Variants in PTPRT observed in about 807,000 individuals in gnomAD.
The protein encoded by PTPRT is receptor-type tyrosine-protein phosphatase T.
A neutral mutation model predicts 176.8 loss-of-function variants in PTPRT; 56 were observed. That is an observed-to-expected ratio of 0.32 (90% confidence interval 0.26 to 0.40). The LOEUF (loss-of-function observed/expected upper bound fraction) is 0.40. Among genes scored for constraint, PTPRT ranks in the 10% least tolerant of loss-of-function variants. The probability of loss-of-function intolerance (pLI) is 1.00; values close to 1 mark genes in which losing one functional copy is unlikely to be tolerated. For missense variants in PTPRT, 1,540 were observed against 1,908.2 expected (o/e 0.81, Z 3.60); for synonymous variants, 783 against 739.0 (o/e 1.06, Z -0.96).
chr20:42,195,225 G>A (rs946990354), intron 16 of PTPRT, among the ~76,000 whole-genome samples: 9 of 152,266 alleles, frequency 5.9e-5, no homozygotes, highest in Non-Finnish European at 1.2e-4. Context: ...AATTAGGCTA[G>A]GGCCTACCTG....
downstream of PTPRT, among the ~76,000 whole-genome samples, chr20:42,071,966 C>G (rs80183765): frequency 2.7e-4 from 41 of 152,294 alleles, no homozygotes; most frequent in East Asian, 7.4e-3. Context: ...CCAACTTCAG[C>G]ATTTACTGGA....
rs150862047 is a variant in PTPRT at position 42,487,459 on chromosome 20, G to A, written c.1154-14897C>T. 2.4e-4 allele frequency among the ~76,000 whole-genome samples: 36 copies of A among 152,234 alleles called. 1 individual carries two copies. Among genetic ancestry groups the A allele is most frequent in the African/African-American group, 7.5e-4 (31 of 41,546 alleles). The stretch of plus-strand genomic sequence containing the variant: ...TTCACATCCTAATACCCAGAACCTG[G>A]GAATCTGTTATCTTACATGGCAAAA... On this transcript the variant is annotated intron_variant, in intron 7 of 30. Coordinates refer to ENST00000373187, the MANE Select transcript of PTPRT (RefSeq NM_007050.6).
rs2146290937 is a variant in PTPRT at position 42,110,366 on chromosome 20, G to A, written c.3221C>T (p.Pro1074Leu). The change falls in exon 23 of 31, where the codon CCC becomes CTC. Residue 1074 changes from proline to leucine, a missense_variant. Around this residue, in one of 11 missense-constraint regions of PTPRT, gnomAD observed 248 missense variants for 356.7 expected, o/e 0.70. Transcript: ENST00000373187. ...GFVRQVKFLN[P>L]PEAGPIVVHC... ...GACCACTATGGGCCCAGCTTCCGGG[G>A]GGTTGAGGAACTTGACCTGGCGGAC... 1 of 1,612,822 alleles carries A rather than the reference G, an allele frequency of 6.2e-7. No homozygotes were observed. The highest frequency in any genetic ancestry group is 8.5e-7 in the Non-Finnish European group (1 of 1,178,976).
At chr20:42,460,194 G>A (rs1568899226) in intron 8 of PTPRT, among the ~76,000 whole-genome samples, 1 of 152,116 alleles carries the variant, frequency 6.6e-6, no homozygotes, top group Non-Finnish European at 1.5e-5. Flanking sequence ...GTATCAATTG[G>A]GAAAATTATT....
At chr20:42,059,313 C>T in the PTPRT span, among the ~76,000 whole-genome samples, 1 of 152,086 alleles carries the variant, frequency 6.6e-6, no homozygotes, top group Non-Finnish European at 1.5e-5. Context: ...GCAAGAGGGC[C>T]TGTGGCCTGA....
intron 22 of PTPRT, among the ~76,000 whole-genome samples, chr20:42,112,803 A>G (rs73271493): frequency 0.013 from 1,947 of 152,300 alleles, 36 homozygotes; most frequent in African/African-American, 0.045. Context: ...GGGCAGGACT[A>G]GAGGCAGACA....
Position 42,346,755 on chromosome 20 carries a change from TC to T in PTPRT, c.1865+3872del, listed in dbSNP as rs566233637. On this transcript the variant is annotated intron_variant, in intron 11 of 30. Coordinates refer to ENST00000373187, the MANE Select transcript of PTPRT (RefSeq NM_007050.6). ...GTTTGGCTCAGCCAGGGTTGGAGCA[TC>T]ACTGGCAGAAAGAAGAGCCTGCCTG... Among the ~76,000 whole-genome samples the T allele has an allele frequency of 2.8e-4, 42 of 152,282 alleles. No homozygotes were observed. The South Asian group carries it at 8.3e-3, about 30-fold the overall frequency.
intron 1 of PTPRT, among the ~76,000 whole-genome samples, chr20:43,172,719 C>A (rs1430277274): frequency 6.6e-6 from 1 of 152,206 alleles, no homozygotes; most frequent in Non-Finnish European, 1.5e-5. Flanking sequence ...TCACAACCAT[C>A]CTACAAGCAA....
At chr20:42,753,798 C>A (rs1392951836) in intron 6 of PTPRT, among the ~76,000 whole-genome samples, 1 of 152,248 alleles carries the variant, frequency 6.6e-6, no homozygotes. Context: ...ATCCTCTGTC[C>A]CAGTAGCCTC....
In PTPRT at chr20:42,096,624, T is replaced by C. The variant is rs867531520; in HGVS notation, c.3846+1797A>G. ...GTAAAAAAAAAATGGGTTCTTGCAC[T>C]GTCACCCAGGCTGGAATGCAGTGGT... On this transcript the variant is annotated intron_variant, in intron 27 of 30. Coordinates refer to ENST00000373187, the MANE Select transcript of PTPRT (RefSeq NM_007050.6). 2.0e-5 allele frequency among the ~76,000 whole-genome samples: 3 copies of C among 152,272 alleles called. No homozygotes were observed. In the East Asian group the frequency reaches 5.8e-4, roughly 29 times the overall value.
At chr20:42,282,628 T>A (rs952120393) in intron 12 of PTPRT, 103 bp from the exon 13 acceptor site, 26 of 841,652 alleles carry the variant, frequency 3.1e-5, no homozygotes, top group Non-Finnish European at 4.2e-5. Flanking sequence ...TATTCATGCA[T>A]ATGTATTTTT....
chr20:43,140,400 T>C (rs898566636), intron 1 of PTPRT, among the ~76,000 whole-genome samples: 1 of 151,316 alleles, frequency 6.6e-6, no homozygotes, highest in South Asian at 2.1e-4. Context: ...TTCCTAGAAA[T>C]AGAACTACTT....
chr20:42,872,420 A>T (rs747634988), intron 2 of PTPRT, among the ~76,000 whole-genome samples: 3 of 152,210 alleles, frequency 2.0e-5, no homozygotes, highest in Non-Finnish European at 2.9e-5. Flanking sequence ...CTTAAGCTCA[A>T]CTGGGAGATT....
chr20:43,105,712 T>C (rs1224621817), intron 1 of PTPRT, among the ~76,000 whole-genome samples: 1 of 152,240 alleles, frequency 6.6e-6, no homozygotes, highest in Non-Finnish European at 1.5e-5. Context: ...CTCTGCTCTT[T>C]CTCATGGACT....
chr20:42,942,462 G>A (rs1053710629), intron 1 of PTPRT, among the ~76,000 whole-genome samples: 10 of 152,304 alleles, frequency 6.6e-5, no homozygotes, highest in Middle Eastern at 3.4e-3. Flanking sequence ...ACCCCACCAC[G>A]TGTTCTTACT....
chr20:42,503,189 C>T (rs2071784688), intron 7 of PTPRT, among the ~76,000 whole-genome samples: 1 of 151,804 alleles, frequency 6.6e-6, no homozygotes, highest in Non-Finnish European at 1.5e-5. Flanking sequence ...TTGATGTATT[C>T]TCTAATATTA....
intron 1 of PTPRT, among the ~76,000 whole-genome samples, chr20:43,012,447 T>C (rs924586436): frequency 1.3e-5 from 2 of 152,122 alleles, no homozygotes; most frequent in African/African-American, 4.8e-5. Flanking sequence ...GGAGAGTTAG[T>C]GTTTAAAGGG....
intron 1 of PTPRT, among the ~76,000 whole-genome samples, chr20:43,002,207 T>C (rs1984610930): frequency 1.3e-5 from 2 of 152,334 alleles, no homozygotes; most frequent in South Asian, 4.1e-4. Flanking sequence ...AGCCATGCTT[T>C]CTGTTAAGCC....
chr20:42,736,854 C>T (rs1025228984), intron 6 of PTPRT, among the ~76,000 whole-genome samples: 1 of 152,060 alleles, frequency 6.6e-6, no homozygotes, highest in African/African-American at 2.4e-5. Flanking sequence ...CCCCCAGCCT[C>T]TCAGCCAGAC....
Sources: allele counts gnomAD v4.1 joint callset (sites outside exome capture counted in the v4.1 genomes callset), GRCh38; gene constraint gnomAD v4.1.1; regional missense constraint gnomAD v4.1.1; transcripts MANE v1.5; gene names NCBI Gene and HGNC (gene_info 2026-07-23, HGNC 2026-07-21).